ABLIM1: variants seen among roughly 807,000 people sequenced by gnomAD.
ABLIM1 encodes the protein actin-binding LIM protein 1.
A neutral mutation model predicts 107.0 loss-of-function variants in ABLIM1; 40 were observed. The observed-to-expected ratio is 0.37, with a 90% CI of 0.29 to 0.49. The LOEUF (loss-of-function observed/expected upper bound fraction) is 0.49. Among genes scored for constraint, ABLIM1 ranks in the 20% least tolerant of loss-of-function variants. The pLI, the probability that ABLIM1 is intolerant of heterozygous loss-of-function variation, is 0.97. For synonymous variants in ABLIM1, 357 were observed against 357.3 expected (o/e 1.00, Z 0.01); for missense variants, 857 against 1,008.5 (o/e 0.85, Z 2.04).
At chr10:114,780,203 G>A in the ABLIM1 span, among the ~76,000 whole-genome samples, 1 of 152,154 alleles carries the variant, frequency 6.6e-6, no homozygotes, top group Non-Finnish European at 1.5e-5. Flanking sequence ...AGAATAAACA[G>A]TGTCCTTGAG....
chr10:114,496,771 T>C (rs1459077331), intron 6 of ABLIM1, among the ~76,000 whole-genome samples: 1 of 152,248 alleles, frequency 6.6e-6, no homozygotes, highest in Non-Finnish European at 1.5e-5. Flanking sequence ...ATGCTGAACA[T>C]GTCAAGACAT....
intron 1 of ABLIM1, among the ~76,000 whole-genome samples, chr10:114,757,702 GTTC>G (rs1401428959): frequency 6.6e-6 from 1 of 152,128 alleles, no homozygotes; most frequent in Non-Finnish European, 1.5e-5. Context: ...CCTCCTAACT[GTTC>G]TTCTTGCTTC....
chr10:114,667,198 C>A (rs562853900), intron 1 of ABLIM1, among the ~76,000 whole-genome samples: 3 of 152,106 alleles, frequency 2.0e-5, no homozygotes, highest in African/African-American at 7.2e-5. Context: ...GGGAAGGTAG[C>A]GGGGTGCAAG....
intron 6 of ABLIM1, among the ~76,000 whole-genome samples, chr10:114,530,327 C>T (rs991375947): frequency 4.6e-5 from 7 of 152,200 alleles, no homozygotes; most frequent in African/African-American, 9.6e-5. Context: ...AGTTAAGAGA[C>T]CTCTTCACCG....
chr10:114,788,445 G>A, the ABLIM1 span, among the ~76,000 whole-genome samples: 1 of 151,854 alleles, frequency 6.6e-6, no homozygotes, highest in Non-Finnish European at 1.5e-5. Context: ...AATCTAGTAG[G>A]GACTGGGCAA....
At chr10:114,515,858 A>G (rs901458180) in intron 6 of ABLIM1, among the ~76,000 whole-genome samples, 2 of 152,056 alleles carry the variant, frequency 1.3e-5, no homozygotes, top group Non-Finnish European at 2.9e-5. Context: ...GGAAGAGGCC[A>G]GAAGCTGGAA....
Position 114,619,836 on chromosome 10 carries a change from G to A in ABLIM1, c.245-17875C>T, listed in dbSNP as rs951956397. Among the ~76,000 whole-genome samples, 1 of 152,176 alleles carries A rather than the reference G, an allele frequency of 6.6e-6. No individual in the cohort carries two copies. On this transcript the variant is annotated intron_variant, in intron 1 of 22. Transcript: ENST00000533213. This position sits in a 1 kb window ranked among gnomAD's most constrained non-coding sequence, Gnocchi z 4.1. ...TGGAATTCAAACAGTATTTTACTCTGAATTTAACAGTTGGGTTAGTTCTTA... is the reference window on the plus strand; with the variant it reads ...TGGAATTCAAACAGTATTTTACTCTAAATTTAACAGTTGGGTTAGTTCTTA...
intron 14 of ABLIM1, chr10:114,450,068 A>G (rs556471906): frequency 7.7e-6 from 3 of 390,708 alleles, no homozygotes; most frequent in Non-Finnish European, 1.5e-5. Context: ...TAAAGCCTGT[A>G]AGTTGACAAA....
At chr10:114,556,724 A>T (rs10885581) in intron 4 of ABLIM1, among the ~76,000 whole-genome samples, 61,371 of 152,014 alleles carry the variant, frequency 0.4, 13,576 homozygotes, top group Non-Finnish European at 0.5. Context: ...GTTGACCTTC[A>T]TCTTCATCCA....
chr10:114,506,902 G>A lies in ABLIM1; in HGVS notation c.895-15024C>T, dbSNP rs188770446. 5.1e-4 allele frequency among the ~76,000 whole-genome samples: 77 copies of A among 152,260 alleles called. 1 individual carries two copies. Among genetic ancestry groups the A allele is most frequent in the African/African-American group, 1.7e-3 (69 of 41,544 alleles). Reference sequence around the variant, plus strand: ...AATGGTTCTAAAATAAATCTTAAAGGACTTCATGGGAGCTGGGTAGGAACC... The same window carrying A: ...AATGGTTCTAAAATAAATCTTAAAGAACTTCATGGGAGCTGGGTAGGAACC... On this transcript the variant is annotated intron_variant, in intron 6 of 22. Coordinates refer to ENST00000533213, the MANE Select transcript of ABLIM1 (RefSeq NM_002313.7).
At chr10:114,436,684 T>C (rs1040682158) in intron 22 of ABLIM1, among the ~76,000 whole-genome samples, 1 of 152,138 alleles carries the variant, frequency 6.6e-6, no homozygotes. Context: ...CCTTGGAACG[T>C]TGAGAAGATG....
intron 1 of ABLIM1, among the ~76,000 whole-genome samples, chr10:114,673,077 G>C (rs2080323189): frequency 6.6e-6 from 1 of 151,922 alleles, no homozygotes; most frequent in Non-Finnish European, 1.5e-5. Flanking sequence ...GACAAACATG[G>C]AGAAGCCCCA....
At chr10:114,697,049 CTG>C (rs1305827523) in intron 1 of ABLIM1, among the ~76,000 whole-genome samples, 1 of 152,178 alleles carries the variant, frequency 6.6e-6, no homozygotes, top group Non-Finnish European at 1.5e-5. Context: ...TCACAGTAAT[CTG>C]AATCTCTCGG....
At chr10:114,475,673 G>T (rs1033771231) in intron 8 of ABLIM1, among the ~76,000 whole-genome samples, 6 of 152,272 alleles carry the variant, frequency 3.9e-5, no homozygotes, top group South Asian at 2.1e-4. Context: ...AAGGCTGGTG[G>T]GTCGGCCTTT....
chr10:114,465,962 C>T lies in ABLIM1; in HGVS notation c.1312-135G>A, dbSNP rs578016571. 1.3e-5 allele frequency: 14 copies of T among 1,041,964 alleles called. No individual in the cohort carries two copies. In the South Asian group the frequency reaches 2.4e-4, roughly 18 times the overall value. 64.5% of individuals were successfully genotyped at this position (1,041,964 alleles called of 1,614,324 possible). On this transcript the variant is annotated intron_variant, in intron 11 of 22. Coordinates refer to ENST00000533213, the MANE Select transcript of ABLIM1 (RefSeq NM_002313.7). ...TAATATATGCACTTATTTTTATGTGCAAATTTTGCAGGTATTTTATATGCA... is the reference window on the plus strand; with the variant it reads ...TAATATATGCACTTATTTTTATGTGTAAATTTTGCAGGTATTTTATATGCA...
chr10:114,714,420 C>T (rs1294697924), intron 1 of ABLIM1, among the ~76,000 whole-genome samples: 1 of 152,170 alleles, frequency 6.6e-6, no homozygotes, highest in East Asian at 1.9e-4. Flanking sequence ...TAAAAAGAGG[C>T]TGTCAACAAG....
At chr10:114,445,490 G>C in intron 15 of ABLIM1, 87 bp from the exon 16 acceptor site, 1 of 1,169,868 alleles carries the variant, frequency 8.5e-7, no homozygotes, top group Non-Finnish European at 1.3e-6. Flanking sequence ...CAGTTTGTTA[G>C]GCTGGCAAGG....
chr10:114,531,668 C>T lies in ABLIM1; in HGVS notation c.894+13337G>A, dbSNP rs149987601. Among the ~76,000 whole-genome samples, 519 of 152,310 alleles carry T rather than the reference C, an allele frequency of 3.4e-3. 5 individuals are homozygous for T. Among genetic ancestry groups the T allele is most frequent in the African/African-American group, 0.012 (504 of 41,566 alleles). Reference sequence around the variant, plus strand: ...GAGTAGCTGGGATTACAGGCACATGCCACCACACCCAGCTAATTTTTGTAT... The same window carrying T: ...GAGTAGCTGGGATTACAGGCACATGTCACCACACCCAGCTAATTTTTGTAT... On this transcript the variant is annotated intron_variant, in intron 6 of 22. Transcript: ENST00000533213.
intron 6 of ABLIM1, among the ~76,000 whole-genome samples, chr10:114,536,223 C>CTTTCTTTTTTTTT (rs1565863184): frequency 1.2e-5 from 1 of 80,428 alleles, no homozygotes; most frequent in African/African-American, 4.9e-5. Context: ...TTCCTTCTTT[C>CTTTCTTTTTTTTT]TTTGTTTTTT....
Sources: gnomAD v4.1 joint callset for allele counts (sites outside exome capture counted in the v4.1 genomes callset) on GRCh38, gnomAD v4.1.1 for gene constraint, Gnocchi (gnomAD v3.1) non-coding constraint, MANE v1.5 for transcripts, NCBI Gene and HGNC (gene_info 2026-07-23, HGNC 2026-07-21) for gene names.